The following GHR variants were observed in gnomAD, a reference collection of about 807,000 sequenced individuals.
GHR encodes GH receptor.
GHR carries 35 observed loss-of-function variants against 67.1 expected under a neutral mutation model. That is an observed-to-expected ratio of 0.52 (90% CI 0.40 to 0.69). The LOEUF (loss-of-function observed/expected upper bound fraction) is 0.69. Among genes scored for constraint, GHR ranks in the 30% least tolerant of loss-of-function variants. The pLI is 0.00. For missense variants in GHR, 792 were observed against 764.6 expected (o/e 1.04, Z -0.42); for synonymous variants, 272 against 269.1 (o/e 1.01, Z -0.10).
At chr5:42,643,019 A>T (rs2112795599) in intron 3 of GHR, among the ~76,000 whole-genome samples, 1 of 152,306 alleles carries the variant, frequency 6.6e-6, no homozygotes, top group Non-Finnish European at 1.5e-5. Context: ...GAGCTCAATT[A>T]TACCTTAATT....
intron 3 of GHR, among the ~76,000 whole-genome samples, chr5:42,666,012 G>A (rs140029709): frequency 1.3e-4 from 20 of 152,110 alleles, no homozygotes; most frequent in Admixed American, 8.5e-4. Flanking sequence ...TGACACATGC[G>A]GATTATGGGA....
At chr5:42,572,089 A>G (rs112664197) in intron 2 of GHR, among the ~76,000 whole-genome samples, 161 of 152,322 alleles carry the variant, frequency 1.1e-3, no homozygotes, top group African/African-American at 3.8e-3. Context: ...AGAATTTGCC[A>G]TTGATGATTT....
Position 42,719,667 on chromosome 5 carries a change from G to T in GHR, c.*243G>T. 4.0e-6 allele frequency: 2 copies of T among 500,564 alleles called. No homozygotes were observed. Among genetic ancestry groups the T allele is most frequent in the East Asian group, 3.8e-5 (1 of 26,310 alleles). The allele number at this position is 500,564 out of a possible 1,614,324, so 31.0% of individuals were successfully genotyped here. A position where few individuals can be genotyped will look rare whatever the true frequency, so the allele number is the denominator to read the frequency against. ...TTAAAGAATTGTGTCAGACTGTTTAGTAGCAGTGATTGTCTTAATATTGTG... is the reference window on the plus strand; with the variant it reads ...TTAAAGAATTGTGTCAGACTGTTTATTAGCAGTGATTGTCTTAATATTGTG... On this transcript the variant is annotated 3_prime_UTR_variant, in exon 10 of 10. Coordinates refer to ENST00000230882, the MANE Select transcript of GHR (RefSeq NM_000163.5).
At chr5:42,432,803 T>G (rs1743152089) in intron 1 of GHR, among the ~76,000 whole-genome samples, 1 of 152,230 alleles carries the variant, frequency 6.6e-6, no homozygotes, top group Admixed American at 6.5e-5. Flanking sequence ...CTTTCATAGT[T>G]CATTCTTTCA....
chr5:42,689,347 C>T (rs147428970), intron 4 of GHR, among the ~76,000 whole-genome samples: 1 of 152,210 alleles, frequency 6.6e-6, no homozygotes, highest in East Asian at 1.9e-4. Flanking sequence ...AGCCAGAAAG[C>T]AGCATATCAG....
chr5:42,654,803 T>G (rs1254397167), intron 3 of GHR, among the ~76,000 whole-genome samples: 2 of 152,170 alleles, frequency 1.3e-5, no homozygotes, highest in Non-Finnish European at 2.9e-5. Flanking sequence ...TTGCAAGCAC[T>G]GGCATTTAGG....
intron 2 of GHR, among the ~76,000 whole-genome samples, chr5:42,605,625 C>G (rs934223457): frequency 6.6e-6 from 1 of 152,182 alleles, no homozygotes; most frequent in Non-Finnish European, 1.5e-5. Context: ...ACTCTGCAGT[C>G]CAGATAGAGG....
intron 3 of GHR, among the ~76,000 whole-genome samples, chr5:42,651,727 T>C (rs1486112960): frequency 1.3e-5 from 2 of 152,174 alleles, no homozygotes; most frequent in East Asian, 3.8e-4. Flanking sequence ...GCTGATTTTA[T>C]TTGGTGAGAC....
At chr5:42,600,915 A>G (rs1303485970) in intron 2 of GHR, among the ~76,000 whole-genome samples, 1 of 86,144 alleles carries the variant, frequency 1.2e-5, no homozygotes, top group Non-Finnish European at 2.4e-5. Context: ...TATTCTTTCT[A>G]TTCTTTTTTT....
chr5:42,714,881 A>G (rs1435140182), intron 8 of GHR, among the ~76,000 whole-genome samples: 1 of 152,218 alleles, frequency 6.6e-6, no homozygotes, highest in African/African-American at 2.4e-5. Flanking sequence ...AAATTTATAC[A>G]TAACTTCAGT....
chr5:42,508,861 A>G (rs551450985), intron 1 of GHR, among the ~76,000 whole-genome samples: 1 of 152,306 alleles, frequency 6.6e-6, no homozygotes, highest in Non-Finnish European at 1.5e-5. Context: ...GGCGTGAGCC[A>G]CCGCGCCCAA....
chr5:42,595,659 A>C (rs1752027843), intron 2 of GHR, among the ~76,000 whole-genome samples: 2 of 152,214 alleles, frequency 1.3e-5, no homozygotes, highest in African/African-American at 4.8e-5. Context: ...GATCCATTTG[A>C]GTGGGACTGC....
At chr5:42,562,435 G>C (rs901146652) in intron 1 of GHR, among the ~76,000 whole-genome samples, 1 of 152,128 alleles carries the variant, frequency 6.6e-6, no homozygotes, top group Non-Finnish European at 1.5e-5. Flanking sequence ...CTTAGTTAGA[G>C]TCGGGTCCCT....
chr5:42,569,009 TCA>T (rs1750111759), intron 2 of GHR, among the ~76,000 whole-genome samples: 1 of 152,194 alleles, frequency 6.6e-6, no homozygotes, highest in Non-Finnish European at 1.5e-5. Context: ...ATGGCTTGAA[TCA>T]CACTTTATAG....
intron 3 of GHR, among the ~76,000 whole-genome samples, chr5:42,638,505 A>G (rs1754312446): frequency 6.6e-6 from 1 of 152,172 alleles, no homozygotes; most frequent in East Asian, 1.9e-4. Flanking sequence ...AGCCTTTATG[A>G]TATAGTCTAT....
chr5:42,585,369 A>G (rs1472211186), intron 2 of GHR, among the ~76,000 whole-genome samples: 1 of 152,262 alleles, frequency 6.6e-6, no homozygotes, highest in East Asian at 1.9e-4. Context: ...TTATAAAACA[A>G]ATAGTCCTGT....
At chr5:42,441,447 A>AT (rs1743567066) in intron 1 of GHR, among the ~76,000 whole-genome samples, 1 of 152,148 alleles carries the variant, frequency 6.6e-6, no homozygotes, top group South Asian at 2.1e-4. Context: ...ATAACTCAAG[A>AT]TATGTGGTCA....
At chr5:42,685,989 T>C (rs543655206) in intron 3 of GHR, among the ~76,000 whole-genome samples, 77 of 152,342 alleles carry the variant, frequency 5.1e-4, no homozygotes, top group African/African-American at 1.7e-3. Context: ...CTATTGCTTT[T>C]GGTGTCTTAG....
intron 3 of GHR, among the ~76,000 whole-genome samples, chr5:42,642,278 G>A (rs1481142190): frequency 1.3e-5 from 2 of 152,082 alleles, no homozygotes; most frequent in African/African-American, 4.8e-5. Context: ...TTTCACAAAT[G>A]TTGATTTCTT....
Sources: allele counts gnomAD v4.1 joint callset (sites outside exome capture counted in the v4.1 genomes callset), GRCh38; gene constraint gnomAD v4.1.1; transcripts MANE v1.5; gene names NCBI Gene and HGNC (gene_info 2026-07-23, HGNC 2026-07-21).